The following FARS2 variants were observed in gnomAD, a reference collection of about 807,000 sequenced individuals.
FARS2 encodes the protein phenylalanine--tRNA ligase, mitochondrial.
FARS2 carries 40 observed loss-of-function variants against 46.4 expected under a neutral mutation model. The observed-to-expected ratio is 0.86, with a 90% CI of 0.67 to 1.12. The LOEUF is 1.12. Ranked by LOEUF, FARS2 falls within the 50% of genes most tolerant of loss-of-function variation. The pLI is 0.00. For missense variants in FARS2, 513 were observed against 567.9 expected (o/e 0.90, Z 0.98); for synonymous variants, 234 against 214.9 (o/e 1.09, Z -0.78).
chr6:5,638,052 T>C (rs922022783), intron 6 of FARS2, among the ~76,000 whole-genome samples: 2 of 152,120 alleles, frequency 1.3e-5, no homozygotes. Context: ...CCAAGGTGGG[T>C]GATGAAAGCC....
chr6:5,512,500 G>A (rs979054131), intron 4 of FARS2, among the ~76,000 whole-genome samples: 1 of 152,050 alleles, frequency 6.6e-6, no homozygotes, highest in African/African-American at 2.4e-5. Context: ...TCTTTATGAA[G>A]GAGAAATCAT....
upstream of FARS2, chr6:5,260,928 G>T (rs767265855): frequency 3.4e-3 from 4,623 of 1,357,292 alleles, 16 homozygotes; most frequent in Non-Finnish European, 4.0e-3. Context: ...GCGCCGCTTC[G>T]GGGGCGGGCG....
chr6:5,371,265 T>G, intron 2 of FARS2: 1 of 736,504 alleles, frequency 1.4e-6, no homozygotes, highest in Non-Finnish European at 1.7e-6. Context: ...ATCTTAACTC[T>G]AAACAAAATG....
chr6:5,706,615 A>G (rs1758783037), intron 6 of FARS2, among the ~76,000 whole-genome samples: 1 of 152,042 alleles, frequency 6.6e-6, no homozygotes. Flanking sequence ...TGGGTTTCCT[A>G]CAAGGAAGAC....
chr6:5,290,940 G>C (rs1049485684), intron 1 of FARS2: 5 of 152,216 alleles, frequency 3.3e-5, no homozygotes, highest in Admixed American at 2.6e-4. Context: ...GTCTGGTCTT[G>C]AACTCCTAGA....
intron 1 of FARS2, among the ~76,000 whole-genome samples, chr6:5,285,542 A>C (rs1370254555): frequency 6.6e-6 from 1 of 152,248 alleles, no homozygotes; most frequent in African/African-American, 2.4e-5. Context: ...TGGGGGACTC[A>C]TCTTTGCACA....
At chr6:5,391,585 G>A (rs985342532) in intron 2 of FARS2, among the ~76,000 whole-genome samples, 8 of 151,256 alleles carry the variant, frequency 5.3e-5, no homozygotes, top group Non-Finnish European at 8.8e-5. Context: ...TTTTTTTAAT[G>A]GCTGGTATAA....
intron 6 of FARS2, among the ~76,000 whole-genome samples, chr6:5,760,163 C>T (rs1010292918): frequency 1.3e-5 from 2 of 152,150 alleles, no homozygotes; most frequent in East Asian, 1.9e-4. Context: ...TCATAATTAA[C>T]GGACACTGAG....
At chr6:5,749,170 A>G (rs1761805329) in intron 6 of FARS2, among the ~76,000 whole-genome samples, 1 of 152,168 alleles carries the variant, frequency 6.6e-6, no homozygotes, top group South Asian at 2.1e-4. Context: ...CCCCCAGGGA[A>G]GGGTCCAGGT....
chr6:5,618,500 G>A (rs1050660795), intron 6 of FARS2, among the ~76,000 whole-genome samples: 41 of 152,184 alleles, frequency 2.7e-4, no homozygotes, highest in African/African-American at 8.9e-4. Flanking sequence ...AGACAAAGTC[G>A]TTAGACACGT....
rs537652822 is a variant in FARS2, at chr6:5,471,432, A to C, written c.904+40260A>C. 2.0e-5 allele frequency among the ~76,000 whole-genome samples: 3 copies of C among 152,144 alleles called. No individual in the cohort carries two copies. The highest frequency in any genetic ancestry group is 6.5e-5 in the Admixed American group (1 of 15,280). ...TGGCTAATATCCCAACTAGCCCTTC[A>C]TTTACGAAGAACCAAAGGGAAACTC... On this transcript the variant is annotated intron_variant, in intron 4 of 6. Transcript: ENST00000274680. The surrounding 1 kb of genome is among the most constrained non-coding windows in gnomAD (Gnocchi z 4.1).
rs182411142 is a variant in FARS2, at chr6:5,454,178, G to T, written c.904+23006G>T. Reference sequence around the variant, plus strand: ...AGTACTTTTATCAGTGCCATTTGGGGTTACTAAGTTCTCCCTCCATTTTTT... The same window carrying T: ...AGTACTTTTATCAGTGCCATTTGGGTTTACTAAGTTCTCCCTCCATTTTTT... On this transcript the variant is annotated intron_variant, in intron 4 of 6. Transcript: ENST00000274680. Among the ~76,000 whole-genome samples the T allele has an allele frequency of 4.5e-3, 624 of 137,600 alleles. 3 individuals carry two copies. Among genetic ancestry groups the T allele is most frequent in the African/African-American group, 0.015 (564 of 37,300 alleles). 90.3% of individuals were successfully genotyped at this position (137,600 alleles called of 152,430 possible). A position where few individuals can be genotyped will look rare whatever the true frequency, so the allele number is the denominator to read the frequency against.
chr6:5,418,307 A>AT (rs1762355142), intron 3 of FARS2, among the ~76,000 whole-genome samples: 1 of 152,120 alleles, frequency 6.6e-6, no homozygotes, highest in Non-Finnish European at 1.5e-5. Flanking sequence ...TGCATTGGAT[A>AT]TTTTTTACCT....
At chr6:5,479,955 C>T (rs1045619875) in intron 4 of FARS2, among the ~76,000 whole-genome samples, 2 of 152,254 alleles carry the variant, frequency 1.3e-5, no homozygotes, top group Admixed American at 1.3e-4. Context: ...GAGTTAGGGA[C>T]CTACGGCCCC....
chr6:5,309,636 C>G (rs541643190), intron 1 of FARS2, among the ~76,000 whole-genome samples: 4 of 152,080 alleles, frequency 2.6e-5, no homozygotes, highest in East Asian at 3.9e-4. Flanking sequence ...GTGGATAAAT[C>G]TGAAATAAGA....
At chr6:5,737,812 G>C (rs750351838) in intron 6 of FARS2, among the ~76,000 whole-genome samples, 5 of 152,172 alleles carry the variant, frequency 3.3e-5, no homozygotes, top group Non-Finnish European at 5.9e-5. Flanking sequence ...ACTGGAGAGG[G>C]AGCAGCCATC....
chr6:5,308,483 T>A (rs1288786018), intron 1 of FARS2, among the ~76,000 whole-genome samples: 1 of 152,178 alleles, frequency 6.6e-6, no homozygotes, highest in Non-Finnish European at 1.5e-5. Context: ...GGGCCATAAG[T>A]TTTTATTTCT....
At chr6:5,670,723 G>T (rs1185938552) in intron 6 of FARS2, among the ~76,000 whole-genome samples, 1 of 152,150 alleles carries the variant, frequency 6.6e-6, no homozygotes, top group African/African-American at 2.4e-5. Context: ...CAGCACTGAA[G>T]CCCAGTTACA....
intron 6 of FARS2, among the ~76,000 whole-genome samples, chr6:5,718,771 C>T (rs1343639287): frequency 6.6e-6 from 1 of 152,142 alleles, no homozygotes; most frequent in Non-Finnish European, 1.5e-5. Flanking sequence ...CAGCCCGAGG[C>T]TGTGTGGCTT....
Sources: gnomAD v4.1 joint callset for allele counts (sites outside exome capture counted in the v4.1 genomes callset) on GRCh38, gnomAD v4.1.1 for gene constraint, Gnocchi (gnomAD v3.1) non-coding constraint, MANE v1.5 for transcripts, NCBI Gene and HGNC (gene_info 2026-07-23, HGNC 2026-07-21) for gene names.